The following PDE4D variants were observed in gnomAD, a reference collection of about 807,000 sequenced individuals.
The protein encoded by PDE4D is 3',5'-cyclic-AMP phosphodiesterase 4D.
In PDE4D, 24 loss-of-function variants were observed where a neutral mutation model predicts 87.4. The ratio of observed to expected loss-of-function variants is 0.27; its 90% CI spans 0.20 to 0.39. The LOEUF (loss-of-function observed/expected upper bound fraction) is 0.39, where lower values mean the gene tolerates loss of function less well. Ranked by LOEUF, PDE4D falls within the 10% of genes least tolerant of loss-of-function variation. The pLI is 1.00. For missense variants in PDE4D, 714 were observed against 1,041.0 expected, an observed-to-expected ratio of 0.69 and a Z score of 4.32; for synonymous variants, 384 against 383.2, an observed-to-expected ratio of 1.00 and a Z score of -0.02.
chr5:60,498,664 C>A (rs1430984943), intron 1 of PDE4D, among the ~76,000 whole-genome samples: 2 of 152,186 alleles, frequency 1.3e-5, no homozygotes, highest in African/African-American at 4.8e-5. Flanking sequence ...CAACACTGGG[C>A]TGGTATCCAG....
intron 1 of PDE4D, among the ~76,000 whole-genome samples, chr5:59,306,780 T>C (rs924743706): frequency 1.1e-4 from 15 of 136,346 alleles, no homozygotes; most frequent in South Asian, 5.1e-4. Flanking sequence ...AATGGCCGTA[T>C]TGCCCAAGGT....
At chr5:59,579,600 A>C (rs1823733239) in intron 1 of PDE4D, among the ~76,000 whole-genome samples, 1 of 152,200 alleles carries the variant, frequency 6.6e-6, no homozygotes, top group African/African-American at 2.4e-5. Flanking sequence ...ATCTGTCACA[A>C]AGTAAAGCTG....
intron 1 of PDE4D, among the ~76,000 whole-genome samples, chr5:59,551,770 C>A (rs764889454): frequency 6.6e-6 from 1 of 151,894 alleles, no homozygotes. Context: ...TTGGAATTGC[C>A]TATAGTGGAA....
intron 6 of PDE4D, among the ~76,000 whole-genome samples, chr5:59,000,556 C>G (rs1027613891): frequency 6.6e-6 from 1 of 152,136 alleles, no homozygotes; most frequent in African/African-American, 2.4e-5. Context: ...AGTTCTAAAA[C>G]CTTCAAAATC....
At chr5:60,208,383 G>A (rs1022201903) in intron 1 of PDE4D, among the ~76,000 whole-genome samples, 10 of 152,208 alleles carry the variant, frequency 6.6e-5, no homozygotes, top group African/African-American at 2.4e-4. Flanking sequence ...GGGGCCAAGT[G>A]AGCAGGGAAG....
intron 11 of PDE4D, among the ~76,000 whole-genome samples, chr5:58,977,995 C>A (rs1173615887): frequency 6.6e-6 from 1 of 151,954 alleles, no homozygotes; most frequent in African/African-American, 2.4e-5. Context: ...GTCTGTATAC[C>A]CTCTGGTGAA....
intron 1 of PDE4D, among the ~76,000 whole-genome samples, chr5:59,825,335 C>A (rs987226391): frequency 1.3e-5 from 2 of 152,192 alleles, no homozygotes; most frequent in African/African-American, 4.8e-5. Flanking sequence ...CTCAGAGTTG[C>A]CTTCTCATAG....
chr5:59,942,851 C>A (rs185108913), intron 3 of PDE4D, among the ~76,000 whole-genome samples: 9 of 114,472 alleles, frequency 7.9e-5, no homozygotes, highest in African/African-American at 3.2e-4. Flanking sequence ...TGGTTCCTAA[C>A]TGGGGTGGGG....
intron 1 of PDE4D, among the ~76,000 whole-genome samples, chr5:59,248,041 GT>G (rs751927292): frequency 0.03 from 1,417 of 47,804 alleles, 80 homozygotes; most frequent in Non-Finnish European, 0.043. Context: ...GTATCTATTA[GT>G]AAAAAAAAAA....
intron 5 of PDE4D, among the ~76,000 whole-genome samples, chr5:59,075,697 A>G (rs1200370337): frequency 1.3e-5 from 2 of 152,152 alleles, no homozygotes; most frequent in African/African-American, 4.8e-5. Flanking sequence ...TACTTCTTAT[A>G]AATATAAAGC....
chr5:59,689,917 T>C (rs1750612508), intron 1 of PDE4D, among the ~76,000 whole-genome samples: 1 of 152,112 alleles, frequency 6.6e-6, no homozygotes, highest in African/African-American at 2.4e-5. Flanking sequence ...AGCATTCCTA[T>C]ACACCAATAA....
At chr5:59,809,937 A>G (rs887824531) in intron 1 of PDE4D, among the ~76,000 whole-genome samples, 1 of 152,220 alleles carries the variant, frequency 6.6e-6, no homozygotes, top group Non-Finnish European at 1.5e-5. Context: ...ATCGTTTATT[A>G]TTACAAAGAA....
chr5:60,337,123 C>T (rs945885071), intron 1 of PDE4D, among the ~76,000 whole-genome samples: 1 of 146,002 alleles, frequency 6.8e-6, no homozygotes, highest in African/African-American at 2.5e-5. Flanking sequence ...AGTTTGAGAC[C>T]AGCCTGGCCG....
chr5:59,244,641 C>A (rs1416993731), intron 1 of PDE4D, among the ~76,000 whole-genome samples: 1 of 127,710 alleles, frequency 7.8e-6, no homozygotes, highest in African/African-American at 3.0e-5. Flanking sequence ...TACATATATA[C>A]ATATATATGT....
At chr5:60,392,214 C>T (rs1468727790) in intron 1 of PDE4D, among the ~76,000 whole-genome samples, 2 of 152,104 alleles carry the variant, frequency 1.3e-5, no homozygotes, top group Admixed American at 1.3e-4. Context: ...TATTGTTTTG[C>T]TCCTCAAAAT....
At chr5:59,771,669 T>A (rs1763602252) in intron 1 of PDE4D, among the ~76,000 whole-genome samples, 1 of 152,198 alleles carries the variant, frequency 6.6e-6, no homozygotes, top group Admixed American at 6.5e-5. Context: ...ACTATTTACA[T>A]GCTGATCTTC....
At chr5:59,829,456 G>C (rs774877887) in intron 1 of PDE4D, among the ~76,000 whole-genome samples, 2 of 152,028 alleles carry the variant, frequency 1.3e-5, no homozygotes, top group African/African-American at 4.8e-5. Context: ...CCAGCTGTGT[G>C]GGGGGCTGGC....
At chr5:60,251,959 T>A (rs187229111) in intron 1 of PDE4D, among the ~76,000 whole-genome samples, 269 of 152,078 alleles carry the variant, frequency 1.8e-3, no homozygotes, top group Non-Finnish European at 2.3e-3. Context: ...TTTGTATTTT[T>A]ACTGTGCTTT....
intron 1 of PDE4D, among the ~76,000 whole-genome samples, chr5:60,501,757 G>T (rs1473272110): frequency 6.6e-6 from 1 of 152,052 alleles, no homozygotes; most frequent in Non-Finnish European, 1.5e-5. Flanking sequence ...GCCAGTGATG[G>T]TGAGCATTTT....
Sources: allele counts gnomAD v4.1 joint callset (sites outside exome capture counted in the v4.1 genomes callset), GRCh38; gene constraint gnomAD v4.1.1; transcripts MANE v1.5; gene names NCBI Gene and HGNC (gene_info 2026-07-23, HGNC 2026-07-21).